The following EHBP1 variants were observed in gnomAD, a reference collection of about 807,000 sequenced individuals.
The protein encoded by EHBP1 is EH domain binding protein 1.
A neutral mutation model predicts 144.0 loss-of-function variants in EHBP1; 55 were observed. The ratio of observed to expected loss-of-function variants is 0.38; its 90% CI spans 0.31 to 0.48. The LOEUF (loss-of-function observed/expected upper bound fraction) is 0.48, where lower values mean the gene tolerates loss of function less well. Among genes scored for constraint, EHBP1 ranks in the 20% least tolerant of loss-of-function variants. EHBP1 has a pLI of 0.98. For synonymous variants in EHBP1, 469 were observed against 472.7 expected, an observed-to-expected ratio of 0.99 and a Z score of 0.10; for missense variants, 1,200 against 1,364.2, an observed-to-expected ratio of 0.88 and a Z score of 1.90.
chr2:62,724,814 A>G (rs1180091419), intron 2 of EHBP1, among the ~76,000 whole-genome samples: 1 of 152,136 alleles, frequency 6.6e-6, no homozygotes, highest in Non-Finnish European at 1.5e-5. Flanking sequence ...CTCCTGTCAG[A>G]TCAGTGGTGG....
At chr2:62,988,002 G>A (rs758929509) in intron 15 of EHBP1, 2 of 1,607,716 alleles carry the variant, frequency 1.2e-6, no homozygotes, top group Non-Finnish European at 1.7e-6. Flanking sequence ...AGGTGGAGAT[G>A]AACTTACTAA....
At chr2:62,857,200 C>CA (rs911394050) in intron 7 of EHBP1, among the ~76,000 whole-genome samples, 13 of 151,062 alleles carry the variant, frequency 8.6e-5, no homozygotes, top group Admixed American at 3.9e-4. Flanking sequence ...TTGCTTTAAG[C>CA]AAAAAAAACC....
intron 7 of EHBP1, 74 bp downstream of exon 7, chr2:62,831,232 G>T: frequency 7.1e-7 from 1 of 1,416,994 alleles, no homozygotes; most frequent in Non-Finnish European, 9.5e-7. Context: ...CATTTCCCAG[G>T]AAAAAACAAT....
At chr2:62,915,454 T>C (rs753681214) in intron 10 of EHBP1, among the ~76,000 whole-genome samples, 21 of 152,140 alleles carry the variant, frequency 1.4e-4, no homozygotes, top group Non-Finnish European at 4.4e-5. Context: ...ATATGGATTT[T>C]AATTTTCTCT....
chr2:62,708,521 A>G (rs1343663190), intron 2 of EHBP1, among the ~76,000 whole-genome samples: 1 of 152,220 alleles, frequency 6.6e-6, no homozygotes, highest in Non-Finnish European at 1.5e-5. Context: ...CCGTGATTCA[A>G]GTTTCCATAT....
intron 8 of EHBP1, among the ~76,000 whole-genome samples, chr2:62,862,864 T>A (rs943101730): frequency 6.6e-6 from 1 of 152,176 alleles, no homozygotes; most frequent in African/African-American, 2.4e-5. Flanking sequence ...CAGCAAATCT[T>A]AGACAGTTTT....
intron 7 of EHBP1, among the ~76,000 whole-genome samples, chr2:62,834,845 G>A (rs2152679741): frequency 6.6e-6 from 1 of 152,258 alleles, no homozygotes; most frequent in African/African-American, 2.4e-5. Flanking sequence ...CATATATGTG[G>A]GTTCGGAAGG....
chr2:62,899,605 T>G (rs2053232432), intron 10 of EHBP1, among the ~76,000 whole-genome samples: 1 of 152,214 alleles, frequency 6.6e-6, no homozygotes, highest in African/African-American at 2.4e-5. Flanking sequence ...CACCTGGCAT[T>G]TGTTCTGTCA....
intron 10 of EHBP1, among the ~76,000 whole-genome samples, chr2:62,897,613 C>T (rs1175810375): frequency 6.6e-6 from 1 of 152,098 alleles, no homozygotes; most frequent in African/African-American, 2.4e-5. Flanking sequence ...CCCACTTTTT[C>T]CTGAGCTCTG....
chr2:62,700,605 C>A (rs1004389923), intron 1 of EHBP1, among the ~76,000 whole-genome samples: 1 of 152,168 alleles, frequency 6.6e-6, no homozygotes, highest in African/African-American at 2.4e-5. Context: ...CTCTGTACCC[C>A]TCTGGGTGTC....
rs955262765 is a variant in EHBP1, at chr2:62,707,067, C to A, written c.-125C>A. ...GAGAAGACTTATGGACCCCAAGCAT[C>A]ATTTCGAGTTGTAGTTGAGTTTTTA... On this transcript the variant is annotated 5_prime_UTR_variant, in exon 2 of 23. Transcript: ENST00000431489. 1.5e-6 allele frequency: 1 copy of A among 683,346 alleles called. No homozygotes were observed. The highest frequency in any genetic ancestry group is 2.6e-6 in the Non-Finnish European group (1 of 384,292). The allele number at this position is 683,346 out of a possible 1,614,324, so 42.3% of individuals were successfully genotyped here. A position where few individuals can be genotyped will look rare whatever the true frequency, so the allele number is the denominator to read the frequency against.
At chr2:62,812,807 G>T (rs143417767) in intron 5 of EHBP1, among the ~76,000 whole-genome samples, 34 of 152,230 alleles carry the variant, frequency 2.2e-4, no homozygotes, top group African/African-American at 7.7e-4. Flanking sequence ...TGAGTGGAGA[G>T]AAATTATTTA....
At chr2:62,703,239 C>G (rs546864388), upstream of EHBP1, among the ~76,000 whole-genome samples, 2 of 151,350 alleles carry the variant, frequency 1.3e-5, no homozygotes, top group South Asian at 4.2e-4. Context: ...TGGTAGCATG[C>G]GACTGTAGTC....
chr2:63,014,339 G>GCTA (rs1328587618), intron 19 of EHBP1, among the ~76,000 whole-genome samples: 1 of 152,108 alleles, frequency 6.6e-6, no homozygotes, highest in Non-Finnish European at 1.5e-5. Context: ...TAGCCTTGAT[G>GCTA]CTAGCTATTT....
chr2:62,781,290 A>C (rs1353210750), intron 5 of EHBP1, among the ~76,000 whole-genome samples: 1 of 152,176 alleles, frequency 6.6e-6, no homozygotes, highest in Non-Finnish European at 1.5e-5. Flanking sequence ...CTGTAACTTC[A>C]AAATCCAAAA....
chr2:63,037,746 C>T (rs1022590588), intron 20 of EHBP1, 112 bp downstream of exon 20: 11 of 595,736 alleles, frequency 1.8e-5, no homozygotes, highest in East Asian at 6.1e-5. Flanking sequence ...CTTTCCTTAG[C>T]GATTACATGT....
At chr2:62,950,962 G>C (rs1307842190) in intron 13 of EHBP1, among the ~76,000 whole-genome samples, 3 of 152,192 alleles carry the variant, frequency 2.0e-5, no homozygotes, top group Non-Finnish European at 4.4e-5. Context: ...TGAGATTACA[G>C]GTGTGAGCCA....
chr2:62,784,208 G>A (rs2042645896), intron 5 of EHBP1, among the ~76,000 whole-genome samples: 2 of 152,094 alleles, frequency 1.3e-5, no homozygotes, highest in Non-Finnish European at 2.9e-5. Context: ...TTCAGCCAAA[G>A]CAATTAACAA....
rs2057233408 is a variant in EHBP1, at chr2:62,949,021, T to C, written c.2175T>C (p.Pro725=). Residue 725 remains proline, a synonymous_variant, in exon 13 of 23, where the codon CCT becomes CCC. Coordinates refer to ENST00000431489, the MANE Select transcript of EHBP1 (RefSeq NM_001142616.3). ...ESPIKKTSLS[P]TSKLGYSYSR... ...CTATCAAAAAAACAAGTTTATCTCC[T>C]ACTTCTAAACTTGGATACTCATATA... is the stretch of plus-strand genomic sequence containing the variant. 6.2e-7 allele frequency: 1 copy of C among 1,613,820 alleles called. No homozygotes were observed. The highest frequency in any genetic ancestry group is 1.7e-5 in the Admixed American group (1 of 59,976).
Sources: allele counts gnomAD v4.1 joint callset (sites outside exome capture counted in the v4.1 genomes callset), GRCh38; gene constraint gnomAD v4.1.1; transcripts MANE v1.5; gene names NCBI Gene and HGNC (gene_info 2026-07-23, HGNC 2026-07-21).